The following NFIB variants were observed in gnomAD, a reference collection of about 807,000 sequenced individuals.
The protein encoded by NFIB is nuclear factor I B.
NFIB carries 11 observed loss-of-function variants against 61.5 expected under a neutral mutation model. The observed-to-expected ratio is 0.18, with a 90% CI of 0.11 to 0.30. The LOEUF is 0.30. Among genes scored for constraint, NFIB ranks in the 10% least tolerant of loss-of-function variants. The pLI is 1.00. For synonymous variants in NFIB, 260 were observed against 216.5 expected, an observed-to-expected ratio of 1.20 and a Z score of -1.76; for missense variants, 471 against 608.9, an observed-to-expected ratio of 0.77 and a Z score of 2.38.
At chr9:14,285,969 G>A (rs1175150918) in intron 2 of NFIB, among the ~76,000 whole-genome samples, 1 of 151,046 alleles carries the variant, frequency 6.6e-6, no homozygotes, top group Non-Finnish European at 1.5e-5. Context: ...CAAGATTTTA[G>A]ATAGTACTCC....
chr9:14,520,601 C>A, the NFIB span, among the ~76,000 whole-genome samples: 3 of 152,280 alleles, frequency 2.0e-5, no homozygotes, highest in African/African-American at 7.2e-5. Context: ...TAATGAAAGA[C>A]CTCTAAACAC....
intron 2 of NFIB, among the ~76,000 whole-genome samples, chr9:14,288,479 A>G (rs2132509371): frequency 6.6e-6 from 1 of 152,214 alleles, no homozygotes; most frequent in South Asian, 2.1e-4. Context: ...CATTCCCAAA[A>G]CAGTATATAT....
the NFIB span, among the ~76,000 whole-genome samples, chr9:14,522,592 G>A: frequency 6.6e-6 from 1 of 152,104 alleles, no homozygotes; most frequent in African/African-American, 2.4e-5. Flanking sequence ...TTTGCGTGAG[G>A]TCATTTAGGA....
At chr9:14,382,855 A>T (rs2061504527) in intron 1 of NFIB, among the ~76,000 whole-genome samples, 1 of 152,188 alleles carries the variant, frequency 6.6e-6, no homozygotes, top group Non-Finnish European at 1.5e-5. Context: ...CAGGAAGAAA[A>T]AGCAAGCAAA....
chr9:14,218,023 G>T (rs1394276744), intron 2 of NFIB, among the ~76,000 whole-genome samples: 2 of 152,172 alleles, frequency 1.3e-5, no homozygotes. Context: ...CCCAGGCTCA[G>T]TTTCTTCCGT....
intron 2 of NFIB, among the ~76,000 whole-genome samples, chr9:14,242,231 GT>G (rs1563936835): frequency 1.3e-5 from 2 of 152,120 alleles, no homozygotes; most frequent in Admixed American, 6.5e-5. Context: ...GAATTTATGT[GT>G]TTTTTCCCAC....
intron 2 of NFIB, among the ~76,000 whole-genome samples, chr9:14,243,630 CAAAA>C (rs2054575464): frequency 6.6e-6 from 1 of 151,958 alleles, no homozygotes; most frequent in South Asian, 2.1e-4. Flanking sequence ...AGTACAAAAA[CAAAA>C]ACCTGTGCTC....
intron 6 of NFIB, among the ~76,000 whole-genome samples, chr9:14,131,157 A>G (rs1380084371): frequency 1.3e-5 from 2 of 152,176 alleles, no homozygotes; most frequent in Non-Finnish European, 2.9e-5. Context: ...CAATGTGTAC[A>G]CCCATGTTTA....
At chr9:14,152,125 T>A (rs1379553151) in intron 4 of NFIB, among the ~76,000 whole-genome samples, 2 of 152,054 alleles carry the variant, frequency 1.3e-5, no homozygotes, top group Non-Finnish European at 2.9e-5. Context: ...AACATCTCCC[T>A]TTCTGGACTA....
At chr9:14,422,962 A>G in the NFIB span, among the ~76,000 whole-genome samples, 8 of 152,330 alleles carry the variant, frequency 5.3e-5, no homozygotes, top group East Asian at 1.2e-3. Flanking sequence ...CAATAACAAC[A>G]GCCTTGATAT....
At chr9:14,195,171 A>C (rs571721396) in intron 2 of NFIB, among the ~76,000 whole-genome samples, 2 of 152,210 alleles carry the variant, frequency 1.3e-5, no homozygotes, top group East Asian at 3.9e-4. Flanking sequence ...GAAGTTAAAA[A>C]AAAACAAAAA....
At chr9:14,310,784 A>C (rs1024315700) in intron 1 of NFIB, among the ~76,000 whole-genome samples, 1 of 152,192 alleles carries the variant, frequency 6.6e-6, no homozygotes. Flanking sequence ...AAATTGACAA[A>C]GTAAATAACA....
At chr9:14,322,331 A>C (rs55666531) in intron 1 of NFIB, 1 of 223,950 alleles carries the variant, frequency 4.5e-6, no homozygotes, top group East Asian at 5.6e-5. Context: ...GCGTGTGTGC[A>C]TGTATGTGTG....
At chr9:14,138,302 G>T (rs1476721352) in intron 6 of NFIB, among the ~76,000 whole-genome samples, 3 of 152,124 alleles carry the variant, frequency 2.0e-5, no homozygotes, top group Non-Finnish European at 2.9e-5. Flanking sequence ...ACATGTGCTT[G>T]TTGAAGACAA....
At chr9:14,457,769 G>A in the NFIB span, among the ~76,000 whole-genome samples, 1 of 152,136 alleles carries the variant, frequency 6.6e-6, no homozygotes, top group Non-Finnish European at 1.5e-5. Context: ...AAATCTAGAA[G>A]AAATGGATAA....
chr9:14,476,728 G>C, the NFIB span, among the ~76,000 whole-genome samples: 4 of 152,178 alleles, frequency 2.6e-5, no homozygotes, highest in Non-Finnish European at 5.9e-5. Flanking sequence ...CCAAAAGACA[G>C]CAAGAAAACC....
intron 2 of NFIB, among the ~76,000 whole-genome samples, chr9:14,187,016 T>C (rs2047415885): frequency 6.6e-5 from 1 of 15,086 alleles, no homozygotes; most frequent in African/African-American, 1.1e-4. Flanking sequence ...TGTGTGTGTG[T>C]GTGTGTGTGT....
intron 1 of NFIB, among the ~76,000 whole-genome samples, chr9:14,312,881 G>C (rs928329578): frequency 6.6e-6 from 1 of 152,110 alleles, no homozygotes; most frequent in African/African-American, 2.4e-5. Context: ...GCGGTCACTA[G>C]AAACCCCAAA....
At position 14,189,237 on chromosome 9, in the gene NFIB, A is replaced by C. The variant is rs903190309; in HGVS notation, c.563-9457T>G. 5.4e-4 allele frequency among the ~76,000 whole-genome samples: 82 copies of C among 152,214 alleles called. 1 individual carries two copies. Among genetic ancestry groups the C allele is most frequent in the Non-Finnish European group, 7.8e-4 (53 of 68,038 alleles). On this transcript the variant is annotated intron_variant, in intron 2 of 10. Transcript: ENST00000380953. ...CAACACTTAATATATCTAGGTTAAA[A>C]TCAGACATAAGACTTTCTAATATTT...
Sources: allele counts gnomAD v4.1 joint callset (sites outside exome capture counted in the v4.1 genomes callset), GRCh38; gene constraint gnomAD v4.1.1; transcripts MANE v1.5; gene names NCBI Gene and HGNC (gene_info 2026-07-23, HGNC 2026-07-21).